Variants in ANO6 observed in about 807,000 individuals in gnomAD.
The protein encoded by ANO6 is anoctamin 6, also known as anoctamin-6.
Under a neutral mutation model 117.5 loss-of-function variants are expected in ANO6, and 106 were observed. The ratio of observed to expected loss-of-function variants is 0.90; its 90% CI spans 0.77 to 1.06. The LOEUF is 1.06. Ranked by LOEUF, ANO6 falls within the 50% of genes least tolerant of loss-of-function variation. ANO6 has a pLI of 0.00. For synonymous variants in ANO6, 367 were observed against 385.1 expected, an observed-to-expected ratio of 0.95 and a Z score of 0.55; for missense variants, 955 against 1,121.1, an observed-to-expected ratio of 0.85 and a Z score of 2.12.
At chr12:45,399,380 C>T (rs942490841) in intron 12 of ANO6, among the ~76,000 whole-genome samples, 2 of 151,906 alleles carry the variant, frequency 1.3e-5, no homozygotes, top group African/African-American at 4.8e-5. Context: ...ATTTTTAGTA[C>T]AGTCGGGGTT....
intron 7 of ANO6, among the ~76,000 whole-genome samples, chr12:45,352,839 G>T (rs926000143): frequency 1.3e-5 from 2 of 152,084 alleles, no homozygotes; most frequent in Non-Finnish European, 2.9e-5. Flanking sequence ...TCCAAACATG[G>T]TCAAGAGGTT....
intron 1 of ANO6, among the ~76,000 whole-genome samples, chr12:45,250,403 T>A (rs1488258660): frequency 6.6e-6 from 1 of 152,180 alleles, no homozygotes; most frequent in Non-Finnish European, 1.5e-5. Flanking sequence ...CTTTATTATT[T>A]ATTTATCGAG....
chr12:45,423,602 G>C (rs1372530970), intron 19 of ANO6, among the ~76,000 whole-genome samples: 1 of 152,166 alleles, frequency 6.6e-6, no homozygotes, highest in Non-Finnish European at 1.5e-5. Context: ...GCAGTCTATG[G>C]TGGCTTAAAT....
rs1335313724 is a variant in ANO6 at position 45,345,237 on chromosome 12, A to G, written c.280-1785A>G. Among the ~76,000 whole-genome samples the G allele has an allele frequency of 4.6e-5, 7 of 152,216 alleles. No individual in the cohort carries two copies. In the South Asian group the frequency reaches 1.0e-3, roughly 22 times the overall value. On this transcript the variant is annotated intron_variant, in intron 3 of 19. Transcript: ENST00000320560. Reference sequence around the variant, plus strand: ...ATCCTTTTTCTGATACTTCAACACAATACATCAGGGATTCCACTTGGACTC... The same window carrying G: ...ATCCTTTTTCTGATACTTCAACACAGTACATCAGGGATTCCACTTGGACTC...
chr12:45,400,201 A>T (rs1942746835), intron 12 of ANO6, among the ~76,000 whole-genome samples: 1 of 152,252 alleles, frequency 6.6e-6, no homozygotes, highest in African/African-American at 2.4e-5. Flanking sequence ...GCCTGTTATG[A>T]GATTAAACAA....
intron 2 of ANO6, among the ~76,000 whole-genome samples, chr12:45,319,602 G>A (rs1194743523): frequency 6.6e-6 from 1 of 152,124 alleles, no homozygotes; most frequent in Non-Finnish European, 1.5e-5. Flanking sequence ...TCTCTGCCAG[G>A]CTTTGGTATC....
chr12:45,261,333 T>G (rs1325334689), intron 1 of ANO6, among the ~76,000 whole-genome samples: 1 of 152,194 alleles, frequency 6.6e-6, no homozygotes, highest in African/African-American at 2.4e-5. Flanking sequence ...TAGAGGGCCG[T>G]TTTTAGTATT....
chr12:45,307,478 G>A (rs1939707378), intron 2 of ANO6, among the ~76,000 whole-genome samples: 2 of 152,146 alleles, frequency 1.3e-5, no homozygotes, highest in African/African-American at 4.8e-5. Context: ...GGAGCAGTTT[G>A]GGGAGAGGAT....
chr12:45,290,992 A>G lies in ANO6; in HGVS notation c.71-11022A>G, dbSNP rs73094579. ...AGTCCAGAAATAAACCCACATGTCA[A>G]TGGCCCAACTGGTTTTTGAAAAGCG... is the stretch of plus-strand genomic sequence containing the variant. On this transcript the variant is annotated intron_variant, in intron 1 of 19. Transcript: ENST00000320560. 2.2e-3 allele frequency among the ~76,000 whole-genome samples: 337 copies of G among 152,322 alleles called. 1 individual carries two copies. The highest frequency in any genetic ancestry group is 3.4e-3 in the Admixed American group (52 of 15,308).
chr12:45,388,469 GT>G (rs1299020433), intron 11 of ANO6, among the ~76,000 whole-genome samples, 166 bp downstream of exon 11: 1 of 151,888 alleles, frequency 6.6e-6, no homozygotes, highest in Admixed American at 6.6e-5. Flanking sequence ...GAGCACAGGG[GT>G]TTTTTTTAAA....
intron 1 of ANO6, among the ~76,000 whole-genome samples, chr12:45,269,269 G>A (rs1204989754): frequency 6.6e-6 from 1 of 152,164 alleles, no homozygotes; most frequent in Admixed American, 6.6e-5. Flanking sequence ...CAGACCCCTG[G>A]AGAGTTCATT....
At chr12:45,378,143 C>G (rs754540866) in intron 10 of ANO6, 30 bp downstream of exon 10, 1 of 1,559,626 alleles carries the variant, frequency 6.4e-7, no homozygotes, top group Non-Finnish European at 8.8e-7. Flanking sequence ...TTCATGCACT[C>G]AATTTGATAG....
intron 2 of ANO6, among the ~76,000 whole-genome samples, chr12:45,322,917 G>T (rs146699446): frequency 1.3e-5 from 2 of 152,024 alleles, no homozygotes; most frequent in African/African-American, 2.4e-5. Context: ...TTTTCCAATA[G>T]CAGGACTATA....
At chr12:45,329,142 C>T (rs1404784955) in intron 2 of ANO6, among the ~76,000 whole-genome samples, 2 of 152,168 alleles carry the variant, frequency 1.3e-5, no homozygotes, top group Non-Finnish European at 2.9e-5. Flanking sequence ...CCTAATCTGA[C>T]TGCTTTTATT....
chr12:45,351,344 C>T (rs7970586), intron 7 of ANO6, among the ~76,000 whole-genome samples: 4,939 of 152,208 alleles, frequency 0.032, 246 homozygotes, highest in African/African-American at 0.11. Flanking sequence ...GGTTCTATTT[C>T]GTTGTATCTC....
intron 1 of ANO6, among the ~76,000 whole-genome samples, chr12:45,269,336 A>C (rs1421534340): frequency 3.9e-5 from 6 of 152,186 alleles, no homozygotes; most frequent in African/African-American, 1.4e-4. Flanking sequence ...AGATGTGAGA[A>C]ATAACAGTAA....
At chr12:45,306,987 G>C (rs900717455) in intron 2 of ANO6, among the ~76,000 whole-genome samples, 1 of 151,994 alleles carries the variant, frequency 6.6e-6, no homozygotes, top group Non-Finnish European at 1.5e-5. Context: ...AACAGGTTTC[G>C]AGGTAGGTGA....
At chr12:45,412,542 A>C (rs1350646690) in intron 16 of ANO6, among the ~76,000 whole-genome samples, 1 of 151,828 alleles carries the variant, frequency 6.6e-6, no homozygotes. Flanking sequence ...CCTCTGCTGC[A>C]CTCTCCAGGA....
intron 12 of ANO6, among the ~76,000 whole-genome samples, chr12:45,397,903 A>G (rs995699479): frequency 1.3e-5 from 2 of 152,314 alleles, no homozygotes; most frequent in South Asian, 4.1e-4. Flanking sequence ...TGATGGGTGC[A>G]GCAAACCAAC....
Sources: gnomAD v4.1 joint callset for allele counts (sites outside exome capture counted in the v4.1 genomes callset) on GRCh38, gnomAD v4.1.1 for gene constraint, MANE v1.5 for transcripts, NCBI Gene and HGNC (gene_info 2026-07-23, HGNC 2026-07-21) for gene names.